SLC34A2: variants seen among roughly 807,000 people sequenced by gnomAD.
The protein encoded by SLC34A2 is solute carrier family 34 member 2.
In SLC34A2, 41 loss-of-function variants were observed where a neutral mutation model predicts 50.8. The observed-to-expected ratio is 0.81, with a 90% CI of 0.63 to 1.05. The LOEUF (loss-of-function observed/expected upper bound fraction) is 1.05, where lower values mean the gene tolerates loss of function less well. Among genes scored for constraint, SLC34A2 ranks in the 50% least tolerant of loss-of-function variants. SLC34A2 has a pLI of 0.00. For synonymous variants in SLC34A2, 401 were observed against 364.2 expected (o/e 1.10, Z -1.15); for missense variants, 879 against 876.7 (o/e 1.00, Z -0.03).
At chr4:25,661,874 CTTTT>C (rs796086178) in intron 1 of SLC34A2, among the ~76,000 whole-genome samples, 1 of 138,476 alleles carries the variant, frequency 7.2e-6, no homozygotes. Context: ...CTGCCTTTTT[CTTTT>C]TTTTTTTTTT....
intron 1 of SLC34A2, among the ~76,000 whole-genome samples, chr4:25,660,670 C>T (rs978569561): frequency 3.9e-5 from 6 of 152,058 alleles, no homozygotes; most frequent in Non-Finnish European, 5.9e-5. Flanking sequence ...CTCAGCCTCC[C>T]GAGTAGCTGG....
At chr4:25,671,494 C>CA (rs1714810653) in intron 8 of SLC34A2, 107 bp from the exon 9 acceptor site, 1 of 1,344,792 alleles carries the variant, frequency 7.4e-7, no homozygotes, top group South Asian at 1.2e-5. Context: ...GGCCATACTG[C>CA]ATGCACCATG....
chr4:25,671,684 C>A lies in SLC34A2; in HGVS notation c.1011C>A (p.Thr337=). 4 of 1,614,186 alleles carry A rather than the reference C, an allele frequency of 2.5e-6. No homozygotes were observed. The highest frequency in any genetic ancestry group is 1.3e-5 in the African/African-American group (1 of 75,036). ...GGACGGATGGCATCCAAAACTGGAC[C>A]ATGAAGAATGTGACCTACAAGGAGA... ...LCWTDGIQNW[T]MKNVTYKENI... The change falls in exon 9 of 13, where the codon ACC becomes ACA. Residue 337 remains threonine, a synonymous_variant. Coordinates refer to ENST00000382051, the MANE Select transcript of SLC34A2 (RefSeq NM_006424.3).
At chr4:25,668,328 G>T (rs1206142468) in intron 6 of SLC34A2, among the ~76,000 whole-genome samples, 5 of 152,184 alleles carry the variant, frequency 3.3e-5, no homozygotes, top group African/African-American at 9.7e-5. Flanking sequence ...CCGCTGGGTG[G>T]CGGAATTGAA....
Position 25,676,839 on chromosome 4 carries a change from G to A in SLC34A2, c.*90G>A, listed in dbSNP as rs570904246. The A allele has an allele frequency of 7.7e-6, 12 of 1,566,356 alleles. 1 individual carries two copies. The highest frequency in any genetic ancestry group is 2.3e-5 in the East Asian group (1 of 43,914). On this transcript the variant is annotated 3_prime_UTR_variant, in exon 13 of 13. Transcript: ENST00000382051. ...CACTTCTGCACCCTTTCACCACCTC[G>A]AGGAGATTTGCTCCCCATTAGCGAA...
chr4:25,671,426 T>C (rs1384026554), intron 8 of SLC34A2, among the ~76,000 whole-genome samples, 175 bp from the exon 9 acceptor site: 1 of 152,200 alleles, frequency 6.6e-6, no homozygotes, highest in Non-Finnish European at 1.5e-5. Context: ...TCAGTTATTC[T>C]AAGATTTCTA....
At chr4:25,666,006 A>G in intron 4 of SLC34A2, 122 bp from the exon 5 acceptor site, 4 of 1,201,630 alleles carry the variant, frequency 3.3e-6, no homozygotes, top group Non-Finnish European at 4.9e-6. Context: ...GCAGCGATGG[A>G]GGCTGGACTC....
intron 10 of SLC34A2, 46 bp downstream of exon 10, chr4:25,673,300 A>G (rs532344936): frequency 1.3e-6 from 1 of 767,642 alleles, no homozygotes; most frequent in African/African-American, 3.1e-5. Context: ...TAGTCACTGC[A>G]TGGGGTGTGG....
At chr4:25,661,651 G>A (rs1295258818) in intron 1 of SLC34A2, among the ~76,000 whole-genome samples, 1 of 152,104 alleles carries the variant, frequency 6.6e-6, no homozygotes, top group Non-Finnish European at 1.5e-5. Flanking sequence ...GCCTCCTAAG[G>A]TGTTGGAGTT....
intron 1 of SLC34A2, among the ~76,000 whole-genome samples, chr4:25,658,166 A>G (rs1713987218): frequency 6.6e-6 from 1 of 152,218 alleles, no homozygotes; most frequent in African/African-American, 2.4e-5. Context: ...CTCTAAGTTT[A>G]CATAGATACA....
At chr4:25,667,230 G>A (rs1459216988) in intron 5 of SLC34A2, 1 of 153,154 alleles carries the variant, frequency 6.5e-6, no homozygotes, top group Non-Finnish European at 1.5e-5. Context: ...GATGCTTCCT[G>A]GCTGGGCCTA....
At position 25,670,943 on chromosome 4, in the gene SLC34A2, T is replaced by TG; in HGVS notation, c.927+113dup. 4 of 880,204 alleles carry TG rather than the reference T, an allele frequency of 4.5e-6. No individual in the cohort carries two copies. In the South Asian group the frequency reaches 5.7e-5, roughly 13 times the overall value. The allele number at this position is 880,204 out of a possible 1,614,324, so 54.5% of individuals were successfully genotyped here. A position where few individuals can be genotyped will look rare whatever the true frequency, so the allele number is the denominator to read the frequency against. On this transcript the variant is annotated intron_variant, in intron 8 of 12. Transcript: ENST00000382051. Reference sequence around the variant, plus strand: ...ATAGAAAGTCAGGGGAAAGAAATATTGGGAGTCCCTGAAAAATCAAAAGTG... The same window carrying TG: ...ATAGAAAGTCAGGGGAAAGAAATATTGGGGAGTCCCTGAAAAATCAAAAGTG...
intron 8 of SLC34A2, 73 bp downstream of exon 8, chr4:25,670,906 C>T (rs1310161754): frequency 1.6e-6 from 2 of 1,237,744 alleles, no homozygotes; most frequent in African/African-American, 3.0e-5. Flanking sequence ...ATCTTGCCTT[C>T]AAGGAAGGTA....
chr4:25,673,057 C>T, intron 9 of SLC34A2, 30 bp from the exon 10 acceptor site: 1 of 1,613,244 alleles, frequency 6.2e-7, no homozygotes, highest in Non-Finnish European at 8.5e-7. Flanking sequence ...GCTCCATGCC[C>T]TCCTGACAAG....
intron 10 of SLC34A2, among the ~76,000 whole-genome samples, chr4:25,673,754 A>C (rs796111371): frequency 1.1e-3 from 169 of 152,284 alleles, no homozygotes; most frequent in African/African-American, 3.9e-3. Context: ...TCATCACTTC[A>C]TGAAAGCTCA....
intron 8 of SLC34A2, 100 bp downstream of exon 8, chr4:25,670,933 A>G (rs973759622): frequency 3.0e-6 from 3 of 986,618 alleles, no homozygotes; most frequent in African/African-American, 1.6e-5. Flanking sequence ...AAGTCAGGGG[A>G]AAGAAATATT....
chr4:25,669,640 C>T lies in SLC34A2; in HGVS notation c.636-7C>T, dbSNP rs1339374014. The T allele has an allele frequency of 2.5e-6, 4 of 1,613,558 alleles. No homozygotes were observed. Among genetic ancestry groups the T allele is most frequent in the Non-Finnish European group, 2.5e-6 (3 of 1,179,986 alleles). ...CTAATCTGGCTGTCGGGGTTTCCCTCCCATAGAGCTTTTGCAGGAGCCACT... is the reference window on the plus strand; with the variant it reads ...CTAATCTGGCTGTCGGGGTTTCCCTTCCATAGAGCTTTTGCAGGAGCCACT... On this transcript the variant is annotated splice_polypyrimidine_tract_variant and splice_region_variant and intron_variant, in intron 6 of 12. Transcript: ENST00000382051.
intron 1 of SLC34A2, among the ~76,000 whole-genome samples, chr4:25,660,021 G>A (rs1485172064): frequency 1.3e-5 from 2 of 152,112 alleles, no homozygotes; most frequent in Non-Finnish European, 2.9e-5. Context: ...CTCTTTAATG[G>A]CATGCTCTTA....
intron 1 of SLC34A2, among the ~76,000 whole-genome samples, chr4:25,658,599 A>G (rs1266658690): frequency 6.6e-6 from 1 of 152,202 alleles, no homozygotes; most frequent in East Asian, 1.9e-4. Flanking sequence ...TCTTTCTGGC[A>G]GTGGGTGCCC....
Sources: allele counts gnomAD v4.1 joint callset (sites outside exome capture counted in the v4.1 genomes callset), GRCh38; gene constraint gnomAD v4.1.1; transcripts MANE v1.5; gene names NCBI Gene and HGNC (gene_info 2026-07-23, HGNC 2026-07-21).